The following TBX20 variants were observed in gnomAD, a reference collection of about 807,000 sequenced individuals.
The protein encoded by TBX20 is T-box transcription factor 20.
In TBX20, 8 loss-of-function variants were observed where a neutral mutation model predicts 42.9. The ratio of observed to expected loss-of-function variants is 0.19; its 90% CI spans 0.11 to 0.34. TBX20 has a LOEUF of 0.34. Among genes scored for constraint, TBX20 ranks in the 10% least tolerant of loss-of-function variants. TBX20 has a pLI of 1.00. For synonymous variants in TBX20, 198 were observed against 222.8 expected (o/e 0.89, Z 0.99); for missense variants, 411 against 566.0 (o/e 0.73, Z 2.78).
At chr7:35,238,215 T>C (rs1790005366) in intron 5 of TBX20, among the ~76,000 whole-genome samples, 1 of 152,308 alleles carries the variant, frequency 6.6e-6, no homozygotes, top group South Asian at 2.1e-4. Context: ...CAAATGTTAG[T>C]TGTTATTTGT....
intron 6 of TBX20, among the ~76,000 whole-genome samples, chr7:35,225,674 T>C (rs1169326443): frequency 1.3e-5 from 2 of 152,234 alleles, no homozygotes; most frequent in East Asian, 3.8e-4. Flanking sequence ...TAGGAATATG[T>C]GTCTTTGAAT....
rs554905796 is a variant in TBX20, at chr7:35,226,836, T to C, written c.890+4668A>G. On this transcript the variant is annotated intron_variant, in intron 6 of 7. Coordinates refer to ENST00000408931, the MANE Select transcript of TBX20 (RefSeq NM_001077653.2). ...TACTATGCTATAATTTTTATAATTATTTCACGGTGTACTCCTTCTACTTAT... is the reference window on the plus strand; with the variant it reads ...TACTATGCTATAATTTTTATAATTACTTCACGGTGTACTCCTTCTACTTAT... Among the ~76,000 whole-genome samples, 26 of 152,292 alleles carry C rather than the reference T, an allele frequency of 1.7e-4. 1 individual carries two copies. The South Asian group carries it at 3.9e-3, about 23-fold the overall frequency.
At position 35,253,817 on chromosome 7, in the gene TBX20, G is replaced by T; in HGVS notation, c.-197C>A. On this transcript the variant is annotated 5_prime_UTR_variant, in exon 1 of 8. Transcript: ENST00000408931. ...CTATTCCCCACCGCAAAGCCCCAGA[G>T]CCGCAGAGACTTCGAAGGCAGCCGG... 1.5e-6 allele frequency: 1 copy of T among 667,062 alleles called. No individual in the cohort carries two copies. Among genetic ancestry groups the T allele is most frequent in the Non-Finnish European group, 2.5e-6 (1 of 406,158 alleles). 41.3% of individuals were successfully genotyped at this position (667,062 alleles called of 1,614,324 possible).
rs540565352 is a variant in TBX20, at chr7:35,250,107, G to A, written c.224C>T (p.Pro75Leu). The A allele has an allele frequency of 3.7e-6, 6 of 1,613,576 alleles. No individual in the cohort carries two copies. Among genetic ancestry groups the A allele is most frequent in the African/African-American group, 1.3e-5 (1 of 75,014 alleles). The change falls in exon 2 of 8, where the codon CCG becomes CTG. Residue 75 changes from proline (P) to leucine (L), a missense_variant. Coordinates refer to ENST00000408931, the MANE Select transcript of TBX20 (RefSeq NM_001077653.2). ...GEFGGGSGSS[P>L]SSSSLCTEPL... The stretch of plus-strand genomic sequence containing the variant: ...CTCAGTGCACAGAGAGGAGGAGGAC[G>A]GGCTGCTGCCACTGCCTCCACCAAA...
At chr7:35,240,747 C>T in intron 5 of TBX20, 132 bp downstream of exon 5, 3 of 823,954 alleles carry the variant, frequency 3.6e-6, no homozygotes, top group African/African-American at 1.7e-5. Context: ...GTTCCTAGCC[C>T]TGAAACTCAA....
intron 6 of TBX20, among the ~76,000 whole-genome samples, chr7:35,216,211 C>A (rs374079852): frequency 6.7e-6 from 1 of 149,094 alleles, no homozygotes; most frequent in Non-Finnish European, 1.5e-5. Context: ...GGACAGATTG[C>A]CAAGCACCAT....
At chr7:35,241,588 A>C (rs1790082790) in intron 4 of TBX20, among the ~76,000 whole-genome samples, 1 of 152,258 alleles carries the variant, frequency 6.6e-6, no homozygotes, top group Admixed American at 6.5e-5. Context: ...ATGCAGAAAC[A>C]GTACTAACCT....
intron 3 of TBX20, among the ~76,000 whole-genome samples, chr7:35,248,460 C>T (rs1320045694): frequency 1.3e-5 from 2 of 152,168 alleles, no homozygotes; most frequent in African/African-American, 2.4e-5. Flanking sequence ...CCTAACGAAA[C>T]ATAAACTTAA....
chr7:35,219,283 C>T (rs1434449022), intron 6 of TBX20, among the ~76,000 whole-genome samples: 3 of 152,148 alleles, frequency 2.0e-5, no homozygotes, highest in South Asian at 2.1e-4. Flanking sequence ...TTAAGTTTTA[C>T]AGGTCATATG....
At chr7:35,240,778 A>G in intron 5 of TBX20, 101 bp downstream of exon 5, 1 of 1,090,190 alleles carries the variant, frequency 9.2e-7, no homozygotes, top group East Asian at 2.5e-5. Flanking sequence ...CAAAGTGAAC[A>G]TCCATTTTGA....
chr7:35,232,763 G>A (rs573361708), intron 5 of TBX20, among the ~76,000 whole-genome samples: 71 of 152,308 alleles, frequency 4.7e-4, no homozygotes, highest in Admixed American at 9.2e-4. Context: ...TGTGGCTCAC[G>A]CCTGTAATCC....
chr7:35,243,168 T>C (rs1045048442), intron 4 of TBX20, among the ~76,000 whole-genome samples: 1 of 152,126 alleles, frequency 6.6e-6, no homozygotes, highest in African/African-American at 2.4e-5. Context: ...TTTGTTTTCA[T>C]AGAGATGGGG....
rs2128714668 is a variant in TBX20 at position 35,241,001 on chromosome 7, C to T, written c.691G>A (p.Val231Met). The T allele has an allele frequency of 6.2e-7, 1 of 1,613,808 alleles. No homozygotes were observed. Among genetic ancestry groups the T allele is most frequent in the Non-Finnish European group, 8.5e-7 (1 of 1,179,790 alleles). The change falls in exon 5 of 8, where the codon GTG (valine) becomes ATG (methionine). Residue 231 changes from valine (V) to methionine (M), a missense_variant. Val to Met is a conservative substitution (Grantham distance 21). Transcript: ENST00000408931. ...LNSMHKYQPR[V>M]HIIKKKDHTA... ...TGGTCTTTCTTCTTAATGATGTGCA[C>T]CCTTGGCTGGTACTTATGCATTGAG...
chr7:35,250,834 T>C (rs1294962505), intron 1 of TBX20, among the ~76,000 whole-genome samples: 5 of 152,250 alleles, frequency 3.3e-5, no homozygotes, highest in African/African-American at 7.2e-5. Context: ...AGAACATTTT[T>C]ATAATATTCT....
intron 5 of TBX20, 124 bp from the exon 6 acceptor site, chr7:35,231,704 G>A (rs2128713478): frequency 2.8e-6 from 2 of 723,276 alleles, no homozygotes; most frequent in East Asian, 5.7e-5. Context: ...TCCTGAGAAG[G>A]GTGGAAAATG....
chr7:35,238,956 C>T (rs1025200664), intron 5 of TBX20, among the ~76,000 whole-genome samples: 6 of 152,018 alleles, frequency 3.9e-5, no homozygotes, highest in African/African-American at 1.4e-4. Flanking sequence ...ATCATAACCA[C>T]ATGTCTTATT....
At chr7:35,224,008 A>G (rs1789726782) in intron 6 of TBX20, among the ~76,000 whole-genome samples, 1 of 152,250 alleles carries the variant, frequency 6.6e-6, no homozygotes, top group Non-Finnish European at 1.5e-5. Flanking sequence ...GCCGTATAAG[A>G]TTAAAGTAGA....
At chr7:35,250,348 A>T in intron 1 of TBX20, 145 bp from the exon 2 acceptor site, 2 of 987,714 alleles carry the variant, frequency 2.0e-6, no homozygotes, top group Non-Finnish European at 3.1e-6. Context: ...GGGATGACCC[A>T]TCATCACTGT....
At chr7:35,220,263 C>T (rs145793710) in intron 6 of TBX20, among the ~76,000 whole-genome samples, 1,848 of 152,290 alleles carry the variant, frequency 0.012, 21 homozygotes, top group Non-Finnish European at 0.02. Flanking sequence ...GATCTTTGAG[C>T]AGTTCTTTGG....
Sources: gnomAD v4.1 joint callset for allele counts (sites outside exome capture counted in the v4.1 genomes callset) on GRCh38, gnomAD v4.1.1 for gene constraint, MANE v1.5 for transcripts, NCBI Gene and HGNC (gene_info 2026-07-23, HGNC 2026-07-21) for gene names.